CCSER1: variants seen among roughly 807,000 people sequenced by gnomAD.
The protein encoded by CCSER1 is coiled-coil serine rich protein 1, also known as serine-rich coiled-coil domain-containing protein 1.
Under a neutral mutation model 82.0 loss-of-function variants are expected in CCSER1, and 41 were observed. The ratio of observed to expected loss-of-function variants is 0.50; its 90% CI spans 0.39 to 0.65. CCSER1 has a LOEUF of 0.65. CCSER1 is among the 30% of genes least tolerant of loss of function. The probability of loss-of-function intolerance (pLI) is 0.00; values close to 1 mark genes in which losing one functional copy is unlikely to be tolerated. For synonymous variants in CCSER1, 414 were observed against 383.9 expected, an observed-to-expected ratio of 1.08 and a Z score of -0.92; for missense variants, 1,119 against 1,064.2, an observed-to-expected ratio of 1.05 and a Z score of -0.72.
intron 9 of CCSER1, among the ~76,000 whole-genome samples, chr4:90,940,652 A>G (rs1731483839): frequency 6.6e-6 from 1 of 152,140 alleles, no homozygotes; most frequent in African/African-American, 2.4e-5. Context: ...AAGGGGGACA[A>G]GAGACATCAG....
intron 1 of CCSER1, among the ~76,000 whole-genome samples, chr4:90,186,400 C>G (rs572505781): frequency 2.0e-5 from 3 of 151,904 alleles, no homozygotes. Flanking sequence ...CTTTTTGAAC[C>G]CTGCTCTTAG....
rs1469017436 is a variant in CCSER1, at chr4:90,929,690, AT to A, written c.2172+6244del. Among the ~76,000 whole-genome samples the A allele has an allele frequency of 3.4e-4, 52 of 152,206 alleles. 1 individual carries two copies. Among genetic ancestry groups the A allele is most frequent in the Admixed American group, 3.3e-3 (50 of 15,288 alleles). ...CTAGATGTCATCTATGAAAGTTCTT[AT>A]AATTATAAAAATATTCATTAAGATG... On this transcript the variant is annotated intron_variant, in intron 9 of 10. Coordinates refer to ENST00000509176, the MANE Select transcript of CCSER1 (RefSeq NM_001145065.2).
At chr4:91,335,822 T>G (rs1347475104) in intron 10 of CCSER1, among the ~76,000 whole-genome samples, 1 of 152,028 alleles carries the variant, frequency 6.6e-6, no homozygotes, top group Admixed American at 6.6e-5. Context: ...TTTTTAGAGT[T>G]AGAGACAAAA....
chr4:90,861,911 T>C (rs1410156954), intron 8 of CCSER1, among the ~76,000 whole-genome samples: 1 of 122,252 alleles, frequency 8.2e-6, no homozygotes, highest in Admixed American at 8.4e-5. Context: ...GACTCATATA[T>C]ATATATATAT....
At chr4:90,765,449 G>T (rs565486297) in intron 7 of CCSER1, among the ~76,000 whole-genome samples, 1 of 151,996 alleles carries the variant, frequency 6.6e-6, no homozygotes, top group African/African-American at 2.4e-5. Flanking sequence ...TGATAAACAG[G>T]TATTTTACCC....
chr4:91,284,698 C>T (rs1484134434), intron 10 of CCSER1, among the ~76,000 whole-genome samples: 2 of 152,076 alleles, frequency 1.3e-5, no homozygotes, highest in East Asian at 3.9e-4. Flanking sequence ...CCATTATAGA[C>T]TGCTACAGCA....
intron 1 of CCSER1, among the ~76,000 whole-genome samples, chr4:90,288,839 T>G (rs936413505): frequency 1.3e-5 from 2 of 151,894 alleles, no homozygotes; most frequent in African/African-American, 4.8e-5. Flanking sequence ...ACAAGCAAAT[T>G]TATGAATTCA....
chr4:91,582,796 A>G (rs1763796499), intron 10 of CCSER1, among the ~76,000 whole-genome samples: 1 of 151,456 alleles, frequency 6.6e-6, no homozygotes. Flanking sequence ...ATCTTACAGT[A>G]TACTGCTTGT....
intron 5 of CCSER1, among the ~76,000 whole-genome samples, chr4:90,615,337 G>T (rs1720989574): frequency 6.6e-6 from 1 of 151,426 alleles, no homozygotes; most frequent in Non-Finnish European, 1.5e-5. Context: ...AATACACGTT[G>T]TAAGGCTAGA....
At chr4:91,393,885 A>G (rs777898795) in intron 10 of CCSER1, among the ~76,000 whole-genome samples, 1 of 152,122 alleles carries the variant, frequency 6.6e-6, no homozygotes, top group African/African-American at 2.4e-5. Flanking sequence ...AGTCAACTAA[A>G]TGAGGTTTTA....
chr4:90,325,608 A>T (rs953029705), intron 3 of CCSER1: 31 of 445,698 alleles, frequency 7.0e-5, no homozygotes, highest in Middle Eastern at 3.3e-4. Flanking sequence ...TCTGCGACAG[A>T]TCTCTGACCA....
chr4:90,385,337 A>G (rs1749862130), intron 3 of CCSER1, among the ~76,000 whole-genome samples: 1 of 149,338 alleles, frequency 6.7e-6, no homozygotes, highest in Non-Finnish European at 1.5e-5. Context: ...ACTAATTTAC[A>G]TTCCCACCAA....
chr4:90,219,112 G>T (rs1741651059), intron 1 of CCSER1, among the ~76,000 whole-genome samples: 1 of 152,160 alleles, frequency 6.6e-6, no homozygotes, highest in Non-Finnish European at 1.5e-5. Context: ...AGATCACAGA[G>T]AGAGATGGGT....
intron 1 of CCSER1, among the ~76,000 whole-genome samples, chr4:90,305,564 A>G (rs1423134807): frequency 6.6e-6 from 1 of 152,198 alleles, no homozygotes; most frequent in Non-Finnish European, 1.5e-5. Flanking sequence ...AAAATCACAC[A>G]TTTTTATTTG....
At chr4:90,322,494 AT>A (rs1169388102) in intron 3 of CCSER1, among the ~76,000 whole-genome samples, 2 of 152,098 alleles carry the variant, frequency 1.3e-5, no homozygotes, top group Non-Finnish European at 2.9e-5. Flanking sequence ...AAATTTTAGG[AT>A]CATTTTTCTA....
Position 90,489,741 on chromosome 4 carries a change from A to C in CCSER1, c.1724+21387A>C, listed in dbSNP as rs1767673579. ...CTGTGTCCAGGTGTTCTCATTGTTT[A>C]ATTCCCACCTATGAGTGAGAACATG... On this transcript the variant is annotated intron_variant, in intron 5 of 10. Transcript: ENST00000509176. 4.6e-5 allele frequency among the ~76,000 whole-genome samples: 7 copies of C among 152,134 alleles called. No homozygotes were observed. The South Asian group carries it at 1.5e-3, about 32-fold the overall frequency.
intron 3 of CCSER1, among the ~76,000 whole-genome samples, chr4:90,395,542 CTGTT>C (rs1034443811): frequency 2.6e-5 from 4 of 152,096 alleles, no homozygotes; most frequent in African/African-American, 4.8e-5. Context: ...AACTAGATGA[CTGTT>C]TGGTCTAGTG....
chr4:91,163,095 A>T (rs10006902), intron 10 of CCSER1, among the ~76,000 whole-genome samples: 110,929 of 152,064 alleles, frequency 0.73, 40,732 homozygotes, highest in Non-Finnish European at 0.78. Flanking sequence ...CTTTACACAC[A>T]GTTTTAAATG....
At chr4:90,833,530 A>G (rs1231840686) in intron 8 of CCSER1, among the ~76,000 whole-genome samples, 1 of 152,174 alleles carries the variant, frequency 6.6e-6, no homozygotes, top group Admixed American at 6.6e-5. Flanking sequence ...GGCAATAATA[A>G]AAGACTTAAT....
Sources: allele counts gnomAD v4.1 joint callset (sites outside exome capture counted in the v4.1 genomes callset), GRCh38; gene constraint gnomAD v4.1.1; transcripts MANE v1.5; gene names NCBI Gene and HGNC (gene_info 2026-07-23, HGNC 2026-07-21).